The following TMEFF1 variants were observed in gnomAD, a reference collection of about 807,000 sequenced individuals.
TMEFF1 encodes tomoregulin-1.
In TMEFF1, 20 loss-of-function variants were observed where a neutral mutation model predicts 47.5. The observed-to-expected ratio is 0.42, with a 90% confidence interval of 0.30 to 0.61. The LOEUF is 0.61. TMEFF1 is among the 20% of genes least tolerant of loss of function. The probability of loss-of-function intolerance (pLI) is 0.19; values close to 1 mark genes in which losing one functional copy is unlikely to be tolerated. For synonymous variants in TMEFF1, 162 were observed against 166.3 expected, an observed-to-expected ratio of 0.97 and a Z score of 0.20; for missense variants, 411 against 471.1, an observed-to-expected ratio of 0.87 and a Z score of 1.18.
chr9:100,534,417 T>C (rs1838465252), intron 5 of TMEFF1, among the ~76,000 whole-genome samples: 1 of 152,138 alleles, frequency 6.6e-6, no homozygotes, highest in Non-Finnish European at 1.5e-5. Flanking sequence ...AGAGTAAATG[T>C]AGTTAAATGT....
At chr9:100,506,017 TAGGG>T (rs1454587129) in intron 2 of TMEFF1, among the ~76,000 whole-genome samples, 1 of 152,104 alleles carries the variant, frequency 6.6e-6, no homozygotes, top group Non-Finnish European at 1.5e-5. Flanking sequence ...ATATATATAA[TAGGG>T]AGGCTTCCTA....
At chr9:100,474,285 G>A (rs1699038250) in intron 1 of TMEFF1, among the ~76,000 whole-genome samples, 1 of 151,906 alleles carries the variant, frequency 6.6e-6, no homozygotes, top group African/African-American at 2.4e-5. Flanking sequence ...AAGGGAACGG[G>A]TTGTCTTGAG....
In TMEFF1 at chr9:100,501,737, C is replaced by T. The variant is rs146235816; in HGVS notation, c.306+2863C>T. ...GTGGCTCACTGCAACCTCCGCCTCC[C>T]GGGTTCAAATGATTCTCCTGCCTCA... On this transcript the variant is annotated intron_variant, in intron 2 of 9. Coordinates refer to ENST00000374879, the MANE Select transcript of TMEFF1 (RefSeq NM_003692.5). Among the ~76,000 whole-genome samples, 342 of 152,156 alleles carry T rather than the reference C, an allele frequency of 2.2e-3. 2 individuals carry two copies. The highest frequency in any genetic ancestry group is 9.5e-3 in the South Asian group (46 of 4,826).
intron 5 of TMEFF1, among the ~76,000 whole-genome samples, chr9:100,545,028 C>T (rs750440278): frequency 3.3e-5 from 5 of 152,224 alleles, no homozygotes; most frequent in Non-Finnish European, 5.9e-5. Flanking sequence ...CAGCCTCCAT[C>T]TTGGCTGCTT....
chr9:100,486,958 C>G (rs1227746605), intron 1 of TMEFF1, among the ~76,000 whole-genome samples: 1 of 152,078 alleles, frequency 6.6e-6, no homozygotes. Context: ...TTATTTTTGC[C>G]TTGTCAGCTT....
intron 1 of TMEFF1, among the ~76,000 whole-genome samples, chr9:100,498,011 T>C (rs1427345675): frequency 6.6e-6 from 1 of 152,144 alleles, no homozygotes; most frequent in Non-Finnish European, 1.5e-5. Context: ...GAAAATTGCA[T>C]TGTAGTGATT....
chr9:100,481,416 A>C (rs1481082614), intron 1 of TMEFF1, among the ~76,000 whole-genome samples: 1 of 152,236 alleles, frequency 6.6e-6, no homozygotes, highest in Non-Finnish European at 1.5e-5. Flanking sequence ...TGAACATAGA[A>C]TACCTCTTAG....
chr9:100,561,621 A>T (rs902059034), intron 8 of TMEFF1, 101 bp downstream of exon 8: 4 of 1,375,318 alleles, frequency 2.9e-6, no homozygotes, highest in Non-Finnish European at 3.8e-6. Context: ...ACCAGAAAGT[A>T]GTGTTTATTT....
At chr9:100,557,864 G>A in intron 7 of TMEFF1, among the ~76,000 whole-genome samples, 1 of 150,152 alleles carries the variant, frequency 6.7e-6, no homozygotes. Flanking sequence ...CTGTAGCTTA[G>A]CTGAGCATGT....
rs148268990 is a variant in TMEFF1 at position 100,508,033 on chromosome 9, A to G, written c.307-972A>G. ...ACCTAATTGAATTTTTTAATAGCCA[A>G]TTTTATAAGTTGGAAATAGCATCTC... On this transcript the variant is annotated intron_variant, in intron 2 of 9. Coordinates refer to ENST00000374879, the MANE Select transcript of TMEFF1 (RefSeq NM_003692.5). Among the ~76,000 whole-genome samples the G allele has an allele frequency of 4.2e-3, 639 of 152,308 alleles. 3 individuals are homozygous for G. Among genetic ancestry groups the G allele is most frequent in the African/African-American group, 0.015 (605 of 41,576 alleles).
intron 5 of TMEFF1, among the ~76,000 whole-genome samples, chr9:100,522,920 A>G (rs918251650): frequency 6.6e-6 from 1 of 151,794 alleles, no homozygotes; most frequent in African/African-American, 2.4e-5. Context: ...ATTTTTTTTT[A>G]GTAGGGATGG....
At chr9:100,515,272 G>A (rs894970531) in intron 4 of TMEFF1, among the ~76,000 whole-genome samples, 54 of 152,116 alleles carry the variant, frequency 3.5e-4, no homozygotes, top group African/African-American at 1.3e-3. Context: ...ACAGACCTTA[G>A]TGAGCTCATG....
chr9:100,509,254 G>A lies in TMEFF1; in HGVS notation c.436+120G>A, dbSNP rs940971261. 9.1e-5 allele frequency: 118 copies of A among 1,293,484 alleles called. No individual in the cohort carries two copies. In the South Asian group the frequency reaches 1.5e-3, roughly 17 times the overall value. The allele number at this position is 1,293,484 out of a possible 1,614,324, so 80.1% of individuals were successfully genotyped here. ...TGTGTGGATTGGTGGTGGTTGTTGC[G>A]GGGAGTAGGGGAAATCTTTTTTGCC... On this transcript the variant is annotated intron_variant, in intron 3 of 9. Coordinates refer to ENST00000374879, the MANE Select transcript of TMEFF1 (RefSeq NM_003692.5).
intron 5 of TMEFF1, among the ~76,000 whole-genome samples, chr9:100,546,071 G>C (rs1056884341): frequency 1.3e-5 from 2 of 152,176 alleles, no homozygotes; most frequent in Non-Finnish European, 2.9e-5. Flanking sequence ...TCCAACTCGT[G>C]CCTATTACCC....
At chr9:100,535,579 T>C (rs1838487211) in intron 5 of TMEFF1, among the ~76,000 whole-genome samples, 1 of 152,200 alleles carries the variant, frequency 6.6e-6, no homozygotes, top group African/African-American at 2.4e-5. Flanking sequence ...GAGACCAGCC[T>C]GGCCAACATG....
intron 2 of TMEFF1, among the ~76,000 whole-genome samples, chr9:100,500,432 A>AT (rs942171545): frequency 6.6e-6 from 1 of 151,586 alleles, no homozygotes; most frequent in African/African-American, 2.4e-5. Flanking sequence ...TACTCTGTTC[A>AT]TTTTTTTCCC....
At chr9:100,497,683 A>G (rs1471786052) in intron 1 of TMEFF1, among the ~76,000 whole-genome samples, 4 of 152,228 alleles carry the variant, frequency 2.6e-5, no homozygotes, top group Non-Finnish European at 5.9e-5. Context: ...AATTCCCTTG[A>G]CTTAGTTTAC....
intron 1 of TMEFF1, among the ~76,000 whole-genome samples, chr9:100,493,090 C>T (rs565860064): frequency 2.0e-5 from 3 of 152,000 alleles, no homozygotes; most frequent in South Asian, 4.2e-4. Context: ...CTCTCCCCCC[C>T]ACAGGATGTG....
intron 4 of TMEFF1, 54 bp downstream of exon 4, chr9:100,513,387 C>CTT: frequency 7.2e-7 from 1 of 1,380,612 alleles, no homozygotes; most frequent in Non-Finnish European, 9.6e-7. Context: ...TTCTTTCTTT[C>CTT]TTTTTCTTTT....
Sources: gnomAD v4.1 joint callset for allele counts (sites outside exome capture counted in the v4.1 genomes callset) on GRCh38, gnomAD v4.1.1 for gene constraint, MANE v1.5 for transcripts, NCBI Gene and HGNC (gene_info 2026-07-23, HGNC 2026-07-21) for gene names.